The following TRANK1 variants were observed in gnomAD, a reference collection of about 807,000 sequenced individuals.
TRANK1 encodes the protein TPR and ankyrin repeat-containing protein 1.
Under a neutral mutation model 266.0 loss-of-function variants are expected in TRANK1, and 198 were observed. The observed-to-expected ratio is 0.74, with a 90% CI of 0.66 to 0.84. The LOEUF (loss-of-function observed/expected upper bound fraction) is 0.84. TRANK1 is among the 40% of genes least tolerant of loss of function. The pLI is 0.00. For missense variants in TRANK1, 3,326 were observed against 3,634.6 expected (o/e 0.92, Z 2.18); for synonymous variants, 1,396 against 1,384.1 (o/e 1.01, Z -0.19).
intron 2 of TRANK1, among the ~76,000 whole-genome samples, chr3:36,906,859 T>C (rs2079976151): frequency 6.6e-6 from 1 of 152,214 alleles, no homozygotes; most frequent in South Asian, 2.1e-4. Flanking sequence ...GAGAAAAAAT[T>C]TGTATTGCTT....
At chr3:36,890,043 A>AAAAG (rs757252121) in intron 7 of TRANK1, 83 bp from the exon 8 acceptor site, 7 of 1,487,110 alleles carry the variant, frequency 4.7e-6, no homozygotes, top group Non-Finnish European at 6.3e-6. Flanking sequence ...CAATAGATTA[A>AAAAG]AAAGAAAGAA....
chr3:36,867,725 C>A (rs919227375), intron 9 of TRANK1, among the ~76,000 whole-genome samples: 2 of 152,196 alleles, frequency 1.3e-5, no homozygotes, highest in Non-Finnish European at 1.5e-5. Flanking sequence ...TGCTAACATG[C>A]AATTACAATA....
intron 1 of TRANK1, among the ~76,000 whole-genome samples, chr3:36,937,647 G>A (rs952276916): frequency 6.6e-6 from 1 of 152,166 alleles, no homozygotes; most frequent in Admixed American, 6.5e-5. Flanking sequence ...ATTCCACAAT[G>A]TCTCAAGACA....
At chr3:36,900,246 T>C (rs186952679) in intron 3 of TRANK1, among the ~76,000 whole-genome samples, 1 of 152,292 alleles carries the variant, frequency 6.6e-6, no homozygotes, top group Admixed American at 6.5e-5. Flanking sequence ...CTTTGATTAG[T>C]GTTCAGGAAA....
At chr3:36,881,562 G>A (rs892567388) in intron 8 of TRANK1, among the ~76,000 whole-genome samples, 4 of 152,100 alleles carry the variant, frequency 2.6e-5, no homozygotes, top group African/African-American at 9.7e-5. Flanking sequence ...ACAGTAAGCC[G>A]AGATCACATC....
At chr3:36,851,349 G>T in intron 15 of TRANK1, 1 of 1,011,798 alleles carries the variant, frequency 9.9e-7, no homozygotes, top group Non-Finnish European at 1.2e-6. Flanking sequence ...TGTCATCACA[G>T]GGTGGACATT....
At chr3:36,879,902 G>A (rs192532625) in intron 8 of TRANK1, among the ~76,000 whole-genome samples, 12,344 of 52,660 alleles carry the variant, frequency 0.23, 4,359 homozygotes, top group Middle Eastern at 0.4. Context: ...GCAAATATAT[G>A]TAAACATGCA....
chr3:36,913,114 T>A (rs952190263), intron 1 of TRANK1, among the ~76,000 whole-genome samples: 2 of 151,826 alleles, frequency 1.3e-5, no homozygotes, highest in African/African-American at 4.8e-5. Flanking sequence ...CAATCTTGGC[T>A]CACTGCAACC....
intron 8 of TRANK1, among the ~76,000 whole-genome samples, chr3:36,881,460 A>G (rs1189365896): frequency 1.3e-5 from 2 of 151,832 alleles, no homozygotes; most frequent in Non-Finnish European, 2.9e-5. Context: ...AAAAAAAAAC[A>G]AAATTAGCCA....
intron 1 of TRANK1, among the ~76,000 whole-genome samples, chr3:36,914,561 A>AACC (rs1036104569): frequency 1.3e-5 from 2 of 151,834 alleles, no homozygotes; most frequent in African/African-American, 4.8e-5. Context: ...ATGCAACCAC[A>AACC]ACCACAGTCA....
At position 36,904,020 on chromosome 3, in the gene TRANK1, G is replaced by A. The variant is rs574642264; in HGVS notation, c.156-745C>T. Among the ~76,000 whole-genome samples the A allele has an allele frequency of 2.8e-3, 432 of 151,944 alleles. 1 individual carries two copies. The highest frequency in any genetic ancestry group is 8.5e-3 in the African/African-American group (352 of 41,528). ...GTCGCCCAAGCTGGAATGCAGTGGT[G>A]CAATCTCAGCTCACTGCAACCTCCA... is the stretch of plus-strand genomic sequence containing the variant. On this transcript the variant is annotated intron_variant, in intron 2 of 23. Coordinates refer to ENST00000645898, the MANE Select transcript of TRANK1 (RefSeq NM_001329998.2).
In TRANK1 at chr3:36,856,205, C is replaced by T. The variant is rs1479697358; in HGVS notation, c.3517G>A (p.Gly1173Ser). 1.2e-6 allele frequency: 2 copies of T among 1,613,716 alleles called. No homozygotes were observed. The highest frequency in any genetic ancestry group is 2.2e-5 in the East Asian group (1 of 44,878). The change falls in exon 13 of 24, where the codon GGC becomes AGC. Residue 1173 changes from glycine (G) to serine (S), a missense_variant. Coordinates refer to ENST00000645898, the MANE Select transcript of TRANK1 (RefSeq NM_001329998.2). Reference sequence around the variant, plus strand: ...GGTGCACATACTTCTGCAGCTTGGCCGTCCCCTGCTGGCTCCACACCGGCT... The same window carrying T: ...GGTGCACATACTTCTGCAGCTTGGCTGTCCCCTGCTGGCTCCACACCGGCT... ...GGAGVEPAGD[G>S]QAAEVCAPEH...
At chr3:36,850,483 T>C in intron 15 of TRANK1, 3 of 985,418 alleles carry the variant, frequency 3.0e-6, no homozygotes, top group Non-Finnish European at 3.6e-6. Flanking sequence ...CCTTCTGCTT[T>C]ATCTACAGAT....
chr3:36,847,782 C>G (rs1324834335), intron 15 of TRANK1, among the ~76,000 whole-genome samples: 1 of 152,120 alleles, frequency 6.6e-6, no homozygotes, highest in East Asian at 1.9e-4. Flanking sequence ...TGAAGAAAAT[C>G]CAGTGCTATG....
intron 5 of TRANK1, among the ~76,000 whole-genome samples, chr3:36,894,193 T>C (rs1476771681): frequency 1.3e-5 from 2 of 152,204 alleles, no homozygotes; most frequent in Non-Finnish European, 2.9e-5. Context: ...TAATAATCTA[T>C]TAGGAGTTGC....
chr3:36,856,343 T>C lies in TRANK1; in HGVS notation c.3379A>G (p.Ser1127Gly). Reference protein sequence around the residue: ...RRLEVEPGKESPGGEEEEEEE... With the variant: ...RRLEVEPGKEGPGGEEEEEEE... ...TCCTCCTCTTCCTCCCCACCTGGAC[T>C]CTCTTTTCCGGGTTCCACTTCCAAC... The change falls in exon 13 of 24, where the codon AGT (serine) becomes GGT (glycine). Residue 1127 changes from serine to glycine, a missense_variant. Physicochemically the swap from Ser to Gly is moderately conservative, Grantham distance 56 (BLOSUM62 0). Transcript: ENST00000645898. The C allele has an allele frequency of 6.4e-7, 1 of 1,574,800 alleles. No homozygotes were observed. Among genetic ancestry groups the C allele is most frequent in the Non-Finnish European group, 8.6e-7 (1 of 1,160,200 alleles).
chr3:36,906,202 A>G (rs1432133594), intron 2 of TRANK1, among the ~76,000 whole-genome samples: 3 of 152,144 alleles, frequency 2.0e-5, no homozygotes, highest in African/African-American at 4.8e-5. Flanking sequence ...AGCTAATTAC[A>G]CTCAACTCAA....
chr3:36,928,454 T>A (rs559078649), intron 1 of TRANK1, among the ~76,000 whole-genome samples: 1 of 152,306 alleles, frequency 6.6e-6, no homozygotes, highest in African/African-American at 2.4e-5. Flanking sequence ...CAACCAGTAC[T>A]TCAAAAGATG....
chr3:36,943,836 G>A (rs2080532088), intron 1 of TRANK1, among the ~76,000 whole-genome samples: 1 of 152,198 alleles, frequency 6.6e-6, no homozygotes, highest in South Asian at 2.1e-4. Flanking sequence ...GGAGCAGATA[G>A]GGGAACTAGA....
Sources: gnomAD v4.1 joint callset for allele counts (sites outside exome capture counted in the v4.1 genomes callset) on GRCh38, gnomAD v4.1.1 for gene constraint, MANE v1.5 for transcripts, NCBI Gene and HGNC (gene_info 2026-07-23, HGNC 2026-07-21) for gene names.